Variants in ENOX1 observed in about 807,000 individuals in gnomAD.
The protein encoded by ENOX1 is ecto-NOX disulfide-thiol exchanger 1, also known as candidate growth-related and time keeping constitutive hydroquinone (NADH) oxidase.
In ENOX1, 42 loss-of-function variants were observed where a neutral mutation model predicts 82.5. That is an observed-to-expected ratio of 0.51 (90% CI 0.40 to 0.66). The LOEUF (loss-of-function observed/expected upper bound fraction) is 0.66. ENOX1 is among the 30% of genes least tolerant of loss of function. The pLI is 0.00. For missense variants in ENOX1, 608 were observed against 811.6 expected, an observed-to-expected ratio of 0.75 and a Z score of 3.05; for synonymous variants, 271 against 282.2, an observed-to-expected ratio of 0.96 and a Z score of 0.40.
At chr13:43,402,827 T>C (rs1379246536) in intron 5 of ENOX1, among the ~76,000 whole-genome samples, 1 of 152,174 alleles carries the variant, frequency 6.6e-6, no homozygotes, top group African/African-American at 2.4e-5. Flanking sequence ...CATTCTAATA[T>C]GGGAATTTAA....
At chr13:43,245,864 G>C (rs113609469) in intron 14 of ENOX1, among the ~76,000 whole-genome samples, 1 of 152,134 alleles carries the variant, frequency 6.6e-6, no homozygotes, top group Non-Finnish European at 1.5e-5. Context: ...TTCAATTGCC[G>C]GATCGGAAGC....
intron 2 of ENOX1, among the ~76,000 whole-genome samples, chr13:43,510,564 C>T (rs2077330410): frequency 6.6e-6 from 1 of 152,096 alleles, no homozygotes; most frequent in Non-Finnish European, 1.5e-5. Flanking sequence ...CCTGTTGGGG[C>T]CCGCTCCTAA....
chr13:43,537,565 C>T (rs1049457693), intron 2 of ENOX1, among the ~76,000 whole-genome samples: 5 of 152,156 alleles, frequency 3.3e-5, no homozygotes, highest in Non-Finnish European at 7.3e-5. Context: ...ATGATGACTG[C>T]GATAATAGCT....
chr13:43,607,144 T>C lies in ENOX1; in HGVS notation c.-219+60335A>G, dbSNP rs557310861. Among the ~76,000 whole-genome samples the C allele has an allele frequency of 3.3e-5, 5 of 152,342 alleles. No homozygotes were observed. In the East Asian group the frequency reaches 7.7e-4, roughly 24 times the overall value. On this transcript the variant is annotated intron_variant, in intron 2 of 16. Coordinates refer to ENST00000690772, the MANE Select transcript of ENOX1 (RefSeq NM_001347969.2). ...AAGAAATGATAAATGCTTGAAGAGATGGATACCCCATTTACCCTGATGTGA... is the reference window on the plus strand; with the variant it reads ...AAGAAATGATAAATGCTTGAAGAGACGGATACCCCATTTACCCTGATGTGA...
At chr13:43,565,186 G>C (rs912004983) in intron 2 of ENOX1, among the ~76,000 whole-genome samples, 3 of 152,156 alleles carry the variant, frequency 2.0e-5, no homozygotes, top group Non-Finnish European at 4.4e-5. Flanking sequence ...ACAGCTGAAT[G>C]ATGAAGCAGA....
At chr13:43,400,369 C>T (rs922533409) in intron 5 of ENOX1, among the ~76,000 whole-genome samples, 3 of 152,188 alleles carry the variant, frequency 2.0e-5, no homozygotes, top group Admixed American at 6.5e-5. Context: ...ACCAAATCAG[C>T]AATCCCACCT....
chr13:43,509,125 T>C (rs2077277110), intron 2 of ENOX1, among the ~76,000 whole-genome samples: 2 of 152,014 alleles, frequency 1.3e-5, no homozygotes, highest in African/African-American at 2.4e-5. Context: ...GTAGGAAATA[T>C]CACAGCAATA....
chr13:43,412,015 G>C lies in ENOX1; in HGVS notation c.109C>G (p.Gln37Glu), dbSNP rs1303564534. 6 of 1,614,016 alleles carry C rather than the reference G, an allele frequency of 3.7e-6. No individual in the cohort carries two copies. In the Admixed American group the frequency reaches 6.7e-5, roughly 18 times the overall value. Reference sequence around the variant, plus strand: ...GGATCTGTCACGGACATGTTGAGCTGGGTCGTGTCTATCGCTATACTCCCC... The same window carrying C: ...GGATCTGTCACGGACATGTTGAGCTCGGTCGTGTCTATCGCTATACTCCCC... ...GLGSIAIDTT[Q>E]LNMSVTDPTA... The change falls in exon 5 of 17, where the codon CAG becomes GAG. Residue 37 changes from glutamine (Q) to glutamate (E), a missense_variant. Transcript: ENST00000690772.
intron 5 of ENOX1, among the ~76,000 whole-genome samples, chr13:43,391,605 T>C (rs1184767345): frequency 6.6e-6 from 1 of 152,148 alleles, no homozygotes; most frequent in African/African-American, 2.4e-5. Context: ...AAACTTGGCA[T>C]TCATCTTGAT....
chr13:43,289,392 A>C (rs2045877378), intron 12 of ENOX1, among the ~76,000 whole-genome samples: 1 of 152,184 alleles, frequency 6.6e-6, no homozygotes, highest in Non-Finnish European at 1.5e-5. Flanking sequence ...AATGGAATAC[A>C]ACAGAAAACT....
At chr13:43,266,636 G>A (rs1027615042) in intron 13 of ENOX1, among the ~76,000 whole-genome samples, 1 of 152,134 alleles carries the variant, frequency 6.6e-6, no homozygotes, top group African/African-American at 2.4e-5. Flanking sequence ...CAGACACAGG[G>A]GAGCATGGGC....
intron 14 of ENOX1, among the ~76,000 whole-genome samples, chr13:43,247,228 G>A (rs917810457): frequency 6.6e-6 from 1 of 152,108 alleles, no homozygotes; most frequent in Non-Finnish European, 1.5e-5. Flanking sequence ...AGGCAGAACT[G>A]ATTGAACCCA....
At chr13:43,274,248 T>G (rs1281630076) in intron 12 of ENOX1, among the ~76,000 whole-genome samples, 2 of 152,258 alleles carry the variant, frequency 1.3e-5, no homozygotes, top group African/African-American at 4.8e-5. Context: ...TATAATTACG[T>G]AATTTATTCT....
chr13:43,229,554 C>A (rs550822245), intron 15 of ENOX1, among the ~76,000 whole-genome samples: 90 of 152,304 alleles, frequency 5.9e-4, no homozygotes, highest in African/African-American at 2.1e-3. Flanking sequence ...GATTTAAATT[C>A]TAAATGTGGC....
intron 2 of ENOX1, among the ~76,000 whole-genome samples, chr13:43,620,960 A>G (rs2082701542): frequency 6.6e-6 from 1 of 152,114 alleles, no homozygotes; most frequent in Non-Finnish European, 1.5e-5. Context: ...TAGGATTGTG[A>G]TATTTTCCTG....
intron 2 of ENOX1, among the ~76,000 whole-genome samples, chr13:43,660,352 A>G (rs1487023036): frequency 6.6e-6 from 1 of 152,224 alleles, no homozygotes; most frequent in African/African-American, 2.4e-5. Context: ...GTCAGGAACT[A>G]ACACATGTAT....
intron 8 of ENOX1, among the ~76,000 whole-genome samples, chr13:43,351,006 TAC>T (rs1352670991): frequency 1.3e-5 from 2 of 152,196 alleles, no homozygotes; most frequent in African/African-American, 4.8e-5. Context: ...TGTACACACA[TAC>T]ACACACAAGG....
chr13:43,369,737 A>G (rs2051092697), intron 5 of ENOX1, among the ~76,000 whole-genome samples: 1 of 152,216 alleles, frequency 6.6e-6, no homozygotes, highest in Non-Finnish European at 1.5e-5. Context: ...TATAATGGCT[A>G]GACAACCCTC....
chr13:43,291,349 C>G (rs1044055653), intron 12 of ENOX1, among the ~76,000 whole-genome samples: 1 of 152,242 alleles, frequency 6.6e-6, no homozygotes, highest in African/African-American at 2.4e-5. Flanking sequence ...TCTTCTAGAA[C>G]AGGGAAACAG....
Sources: gnomAD v4.1 joint callset for allele counts (sites outside exome capture counted in the v4.1 genomes callset) on GRCh38, gnomAD v4.1.1 for gene constraint, MANE v1.5 for transcripts, NCBI Gene and HGNC (gene_info 2026-07-23, HGNC 2026-07-21) for gene names.